The following PRR5 variants were observed in gnomAD, a reference collection of about 807,000 sequenced individuals.
PRR5 encodes proline-rich protein 5.
Under a neutral mutation model 30.6 loss-of-function variants are expected in PRR5, and 25 were observed. The observed-to-expected ratio is 0.82, with a 90% CI of 0.60 to 1.14. The LOEUF is 1.14. Ranked by LOEUF, PRR5 falls within the 50% of genes most tolerant of loss-of-function variation. PRR5 has a pLI of 0.00. For missense variants in PRR5, 600 were observed against 547.1 expected (o/e 1.10, Z -0.96); for synonymous variants, 286 against 247.1 (o/e 1.16, Z -1.48).
At chr22:44,733,121 G>A (rs1922532069) in intron 6 of PRR5, among the ~76,000 whole-genome samples, 1 of 152,272 alleles carries the variant, frequency 6.6e-6, no homozygotes, top group Non-Finnish European at 1.5e-5. Context: ...CAGCTCTGGG[G>A]AAGACACTCT....
At chr22:44,723,814 A>G (rs543420116) in intron 2 of PRR5, among the ~76,000 whole-genome samples, 5 of 152,308 alleles carry the variant, frequency 3.3e-5, no homozygotes, top group South Asian at 2.1e-4. Flanking sequence ...GATGTGCTGC[A>G]CTTCCATCTG....
chr22:44,726,050 T>A (rs2093202650), intron 3 of PRR5, among the ~76,000 whole-genome samples: 1 of 152,234 alleles, frequency 6.6e-6, no homozygotes, highest in Admixed American at 6.5e-5. Context: ...TTCTTTCTCA[T>A]TGGAGCACAA....
At chr22:44,726,936 C>T (rs1029930911) in intron 4 of PRR5, among the ~76,000 whole-genome samples, 8 of 152,168 alleles carry the variant, frequency 5.3e-5, no homozygotes, top group Non-Finnish European at 8.8e-5. Flanking sequence ...GCTCTGTCCC[C>T]GCAGCCTGGG....
chr22:44,727,457 G>A (rs934612623), intron 4 of PRR5, among the ~76,000 whole-genome samples: 27 of 152,192 alleles, frequency 1.8e-4, no homozygotes, highest in African/African-American at 6.0e-4. Context: ...GGGTGTGTGC[G>A]TCCCTCCGTG....
At position 44,725,659 on chromosome 22, in the gene PRR5, TTTG is replaced by T. The variant is rs3053190; in HGVS notation, c.264+389_264+391del. On this transcript the variant is annotated intron_variant, in intron 3 of 7. Transcript: ENST00000336985. ...CTAATTTTTGTTTTTTGTCTTTTGT[TTTG>T]TTGTTGTTGTTGTTGTTGTTGAGAT... is the stretch of plus-strand genomic sequence containing the variant. Among the ~76,000 whole-genome samples, 674 of 151,358 alleles carry T rather than the reference TTTG, an allele frequency of 4.5e-3. 4 individuals carry two copies. The highest frequency in any genetic ancestry group is 7.3e-3 in the Non-Finnish European group (492 of 67,842).
intron 3 of PRR5, 68 bp from the exon 4 acceptor site, chr22:44,726,509 G>A (rs924870545): frequency 6.2e-7 from 1 of 1,609,892 alleles, no homozygotes; most frequent in Non-Finnish European, 8.5e-7. Flanking sequence ...ACTCTCGGGG[G>A]CCCTGCTGGC....
At position 44,725,265 on chromosome 22, in the gene PRR5, G is replaced by A. The variant is rs1199301418; in HGVS notation, c.237G>A (p.Leu79=). ...ACAGGCAGCTGTTGAAGACAGAGCT[G>A]GGGTCCTTCTTCACGGAGTACCTGC... ...EGVRQLLKTE[L]GSFFTEYLQN... Residue 79 remains leucine, a synonymous_variant, in exon 3 of 8, where the codon CTG becomes CTA. Coordinates refer to ENST00000336985, the MANE Select transcript of PRR5 (RefSeq NM_181333.4). The A allele has an allele frequency of 6.2e-7, 1 of 1,613,742 alleles. No individual in the cohort carries two copies. Among genetic ancestry groups the A allele is most frequent in the Non-Finnish European group, 8.5e-7 (1 of 1,179,988 alleles).
rs756902571 is a variant in PRR5 at position 44,736,793 on chromosome 22, C to A, written c.713C>A (p.Ser238Tyr). Residue 238 changes from serine to tyrosine, a missense_variant, in exon 8 of 8, where the codon TCC becomes TAC. Physicochemically the swap from Ser to Tyr is moderately radical, Grantham distance 144 (BLOSUM62 -2). Coordinates refer to ENST00000336985, the MANE Select transcript of PRR5 (RefSeq NM_181333.4). ...CCAGAAAAGCGCCTCCTCCGCCGCT[C>A]CCGCTCGGGGGACGTGCTGGCCAAG... Reference protein sequence around the residue: ...CILEKRLLRRSRSGDVLAKNP... With the variant: ...CILEKRLLRRYRSGDVLAKNP... 2 of 1,559,992 alleles carry A rather than the reference C, an allele frequency of 1.3e-6. No homozygotes were observed. Among genetic ancestry groups the A allele is most frequent in the East Asian group, 4.5e-5 (2 of 43,984 alleles).
At chr22:44,704,717 C>T (rs867611923) in intron 1 of PRR5, among the ~76,000 whole-genome samples, 1 of 149,864 alleles carries the variant, frequency 6.7e-6, no homozygotes, top group African/African-American at 2.5e-5. Flanking sequence ...ATTACCAGCA[C>T]CCCCCACCGA....
At chr22:44,702,186 G>GCCCCCGGGTCCA, upstream of PRR5, 1 of 960,636 alleles carries the variant, frequency 1.0e-6, no homozygotes, top group Admixed American at 5.4e-5. Flanking sequence ...CCCTGGGCCC[G>GCCCCCGGGTCCA]CCCCCGGGTC....
chr22:44,732,963 A>G (rs921241597), intron 6 of PRR5, among the ~76,000 whole-genome samples: 9 of 150,220 alleles, frequency 6.0e-5, no homozygotes, highest in African/African-American at 7.5e-5. Flanking sequence ...ATACGCGTGC[A>G]CACGCATACA....
intron 1 of PRR5, among the ~76,000 whole-genome samples, chr22:44,705,645 G>A (rs2147026115): frequency 6.6e-6 from 1 of 151,674 alleles, no homozygotes; most frequent in Admixed American, 6.6e-5. Flanking sequence ...TTTCTTTTGA[G>A]ACGGAATCTT....
intron 2 of PRR5, among the ~76,000 whole-genome samples, chr22:44,722,068 T>A (rs953389927): frequency 1.1e-4 from 16 of 151,684 alleles, no homozygotes; most frequent in African/African-American, 3.6e-4. Context: ...GGGGGACTGC[T>A]GGGGCGGGGG....
At chr22:44,676,406 AAAAAAAAAAGAAAG>A (rs1226689484), upstream of PRR5, among the ~76,000 whole-genome samples, 75 of 150,410 alleles carry the variant, frequency 5.0e-4, no homozygotes, top group Admixed American at 5.0e-3. Flanking sequence ...AAAAAAAAAA[AAAAAAAAAAGAAAG>A]AAAGAAAAGA....
At chr22:44,723,148 G>A (rs954596398) in intron 2 of PRR5, among the ~76,000 whole-genome samples, 1 of 151,888 alleles carries the variant, frequency 6.6e-6, no homozygotes, top group Admixed American at 6.6e-5. Flanking sequence ...ACCACGCCCA[G>A]CTAATTTTTG....
intron 1 of PRR5, among the ~76,000 whole-genome samples, chr22:44,670,247 C>T (rs987039387): frequency 1.3e-5 from 2 of 152,302 alleles, no homozygotes; most frequent in African/African-American, 4.8e-5. Context: ...TCTTGGAGCC[C>T]AAGTCCCCCA....
At chr22:44,734,831 AGAGT>A (rs1444782357) in intron 6 of PRR5, 192 bp from the exon 7 acceptor site, 10 of 699,872 alleles carry the variant, frequency 1.4e-5, no homozygotes, top group South Asian at 5.7e-5. Flanking sequence ...TGTGAGCAGC[AGAGT>A]GACTCAGGCC....
chr22:44,723,957 A>G (rs760140938), intron 2 of PRR5, among the ~76,000 whole-genome samples: 4 of 152,220 alleles, frequency 2.6e-5, no homozygotes, highest in Admixed American at 1.3e-4. Flanking sequence ...TTAGGGACCA[A>G]TCAGAGACTG....
At position 44,726,607 on chromosome 22, in the gene PRR5, C is replaced by G; in HGVS notation, c.295C>G (p.Leu99Val). Residue 99 changes from leucine to valine, a missense_variant, in exon 4 of 8, where the codon CTT (leucine) becomes GTT (valine). Physicochemically the swap from Leu to Val is conservative, Grantham distance 32 (BLOSUM62 1). Transcript: ENST00000336985. ...GCTGCTGACAAAAGGCATGGTGATC[C>G]TTCGGGACAAGATTCGCTTCTATGA... ...NQLLTKGMVI[L>V]RDKIRFYEGQ... is the part of the protein sequence containing the mutation. 6.2e-7 allele frequency: 1 copy of G among 1,614,136 alleles called. No homozygotes were observed. Among genetic ancestry groups the G allele is most frequent in the South Asian group, 1.1e-5 (1 of 91,088 alleles).
Sources: allele counts gnomAD v4.1 joint callset (sites outside exome capture counted in the v4.1 genomes callset), GRCh38; gene constraint gnomAD v4.1.1; transcripts MANE v1.5; gene names NCBI Gene and HGNC (gene_info 2026-07-23, HGNC 2026-07-21).